MAP2: variants seen among roughly 807,000 people sequenced by gnomAD.
The protein encoded by MAP2 is microtubule associated protein 2.
In MAP2, 14 loss-of-function variants were observed where a neutral mutation model predicts 137.6. The observed-to-expected ratio is 0.10, with a 90% confidence interval of 0.07 to 0.16. The LOEUF (loss-of-function observed/expected upper bound fraction) is 0.16. MAP2 is among the 10% of genes least tolerant of loss of function. The pLI is 1.00. For synonymous variants in MAP2, 786 were observed against 782.3 expected, an observed-to-expected ratio of 1.00 and a Z score of -0.08; for missense variants, 2,088 against 2,191.5, an observed-to-expected ratio of 0.95 and a Z score of 0.94.
chr2:209,532,996 C>G (rs949554548), intron 2 of MAP2, among the ~76,000 whole-genome samples: 1 of 152,164 alleles, frequency 6.6e-6, no homozygotes, highest in South Asian at 2.1e-4. Context: ...TTTCTTTTTT[C>G]TTCAAGTGGT....
intron 3 of MAP2, among the ~76,000 whole-genome samples, chr2:209,612,289 A>G (rs1439291420): frequency 6.6e-6 from 1 of 152,142 alleles, no homozygotes; most frequent in Non-Finnish European, 1.5e-5. Context: ...TTTTCTAGTT[A>G]TTTGTTTATT....
intron 1 of MAP2, among the ~76,000 whole-genome samples, chr2:209,492,267 C>A (rs1395225561): frequency 1.3e-5 from 2 of 152,124 alleles, no homozygotes; most frequent in East Asian, 3.8e-4. Context: ...ACTCAATAAA[C>A]TAGGTATTGA....
intron 12 of MAP2, among the ~76,000 whole-genome samples, chr2:209,706,420 TAA>T (rs1286872676): frequency 3.3e-5 from 5 of 152,192 alleles, no homozygotes; most frequent in Non-Finnish European, 7.4e-5. Flanking sequence ...ACTAAACTCT[TAA>T]GATACATTTT....
chr2:209,641,863 C>T (rs2094055178), intron 4 of MAP2, among the ~76,000 whole-genome samples: 1 of 152,068 alleles, frequency 6.6e-6, no homozygotes, highest in African/African-American at 2.4e-5. Context: ...ATCATGGTCA[C>T]ATAAAGACAA....
chr2:209,516,776 A>C (rs2062574772), intron 2 of MAP2, among the ~76,000 whole-genome samples: 2 of 152,076 alleles, frequency 1.3e-5, no homozygotes, highest in Admixed American at 1.3e-4. Flanking sequence ...TGATTTGTGC[A>C]CTTAGGGTAT....
Position 209,528,245 on chromosome 2 carries a change from G to A in MAP2, c.-172+20604G>A, listed in dbSNP as rs547910680. 2.6e-5 allele frequency among the ~76,000 whole-genome samples: 4 copies of A among 152,208 alleles called. No homozygotes were observed. In the South Asian group the frequency reaches 8.3e-4, roughly 32 times the overall value. ...ATGTATAAATTCAACCCTAGAACCT[G>A]TTGTAGGTGAGCCACAGCTCTTCAG... On this transcript the variant is annotated intron_variant, in intron 2 of 15. Coordinates refer to ENST00000682079, the MANE Select transcript of MAP2 (RefSeq NM_001375505.1).
rs925902820 is a variant in MAP2 at position 209,705,607 on chromosome 2, C to T, written c.4612C>T (p.Arg1538Cys). Reference protein sequence around the residue: ...SDGVTKSPEKRSSLPRPSSIL... With the variant: ...SDGVTKSPEKCSSLPRPSSIL... ...CGGAGTAACCAAGAGCCCAGAAAAG[C>T]GCTCTTCTCTCCCAAGACCTTCCTC... Residue 1538 changes from arginine to cysteine, a missense_variant, in exon 12 of 16, where the codon CGC becomes TGC. Around this residue, in one of 6 missense-constraint regions of MAP2, gnomAD observed 591 missense variants for 642.6 expected, o/e 0.92. Transcript: ENST00000682079. 47 of 1,611,714 alleles carry T rather than the reference C, an allele frequency of 2.9e-5. No individual in the cohort carries two copies. The highest frequency in any genetic ancestry group is 4.4e-5 in the South Asian group (4 of 90,866).
At position 209,733,039 on chromosome 2, in the gene MAP2, G is replaced by A. The variant is rs1429143499; in HGVS notation, c.*2642G>A. 6.6e-6 allele frequency: 1 copy of A among 152,454 alleles called. No homozygotes were observed. The highest frequency in any genetic ancestry group is 1.5e-5 in the Non-Finnish European group (1 of 68,022). The allele number at this position is 152,454 out of a possible 1,614,324, so 9.4% of individuals were successfully genotyped here. A position where few individuals can be genotyped will look rare whatever the true frequency, so the allele number is the denominator to read the frequency against. On this transcript the variant is annotated 3_prime_UTR_variant, in exon 16 of 16. Coordinates refer to ENST00000682079, the MANE Select transcript of MAP2 (RefSeq NM_001375505.1). ...TAAGCTTTTTGAGCACCACTCTTGTGGGGACACACATACGCTGATCTAGGA... is the reference window on the plus strand; with the variant it reads ...TAAGCTTTTTGAGCACCACTCTTGTAGGGACACACATACGCTGATCTAGGA...
intron 2 of MAP2, among the ~76,000 whole-genome samples, chr2:209,512,555 AT>A: frequency 8.9e-6 from 1 of 112,762 alleles, no homozygotes; most frequent in East Asian, 2.6e-4. Context: ...GCCAGAAGTT[AT>A]ACACACACAC....
intron 7 of MAP2, among the ~76,000 whole-genome samples, chr2:209,691,274 TG>T (rs1460177190): frequency 1.3e-5 from 2 of 152,190 alleles, no homozygotes; most frequent in Non-Finnish European, 2.9e-5. Context: ...GAGGCTTAAA[TG>T]GTGGAATCGT....
In MAP2 at chr2:209,523,324, T is replaced by C. The variant is rs372860285; in HGVS notation, c.-172+15683T>C. Among the ~76,000 whole-genome samples, 11 of 152,306 alleles carry C rather than the reference T, an allele frequency of 7.2e-5. No individual in the cohort carries two copies. In the South Asian group the frequency reaches 2.1e-3, roughly 29 times the overall value. ...GAGACCACACATGGCTTGTCATTACTGTCTTTCTGGAACTTAGTGCGTTGC... is the reference window on the plus strand; with the variant it reads ...GAGACCACACATGGCTTGTCATTACCGTCTTTCTGGAACTTAGTGCGTTGC... On this transcript the variant is annotated intron_variant, in intron 2 of 15. Transcript: ENST00000682079.
intron 4 of MAP2, among the ~76,000 whole-genome samples, chr2:209,644,076 A>C (rs2094228070): frequency 6.6e-6 from 1 of 152,170 alleles, no homozygotes; most frequent in African/African-American, 2.4e-5. Flanking sequence ...TTAAAATATC[A>C]ATTTGCAAGT....
At position 209,628,236 on chromosome 2, in the gene MAP2, G is replaced by T. The variant is rs559507238; in HGVS notation, c.-30+3107G>T. The stretch of plus-strand genomic sequence containing the variant: ...AAAAATTAGCCGGGCATGGTGGCAC[G>T]TGCCTGTAATCCCAGCTACTCAGGA... On this transcript the variant is annotated intron_variant, in intron 4 of 15. Coordinates refer to ENST00000682079, the MANE Select transcript of MAP2 (RefSeq NM_001375505.1). Among the ~76,000 whole-genome samples, 5 of 152,184 alleles carry T rather than the reference G, an allele frequency of 3.3e-5. No individual in the cohort carries two copies. The East Asian group carries it at 9.7e-4, about 29-fold the overall frequency.
At chr2:209,635,957 G>A (rs79773150) in intron 4 of MAP2, among the ~76,000 whole-genome samples, 1 of 152,104 alleles carries the variant, frequency 6.6e-6, no homozygotes, top group African/African-American at 2.4e-5. Context: ...ACCCCAATGT[G>A]GCTGAACTCA....
chr2:209,655,849 A>G (rs1351486565), intron 5 of MAP2, among the ~76,000 whole-genome samples: 1 of 152,226 alleles, frequency 6.6e-6, no homozygotes, highest in Non-Finnish European at 1.5e-5. Context: ...GTCCACAGCT[A>G]TATGTTGTAA....
chr2:209,690,937 C>T, intron 7 of MAP2: 2 of 1,147,106 alleles, frequency 1.7e-6, no homozygotes, highest in Non-Finnish European at 2.2e-6. Flanking sequence ...CGCTATTTCG[C>T]TATTTCATCG....
intron 2 of MAP2, among the ~76,000 whole-genome samples, chr2:209,577,574 G>A (rs1223730678): frequency 6.6e-6 from 1 of 152,060 alleles, no homozygotes; most frequent in Non-Finnish European, 1.5e-5. Context: ...GCCCTCCAGT[G>A]GTTGTTTTGG....
intron 1 of MAP2, among the ~76,000 whole-genome samples, chr2:209,505,688 T>G (rs2060951574): frequency 6.7e-6 from 1 of 149,066 alleles, no homozygotes; most frequent in Non-Finnish European, 1.5e-5. Flanking sequence ...TGAAAACATT[T>G]TGGCCAGGCA....
At position 209,725,711 on chromosome 2, in the gene MAP2, A is replaced by T; in HGVS notation, c.5076A>T (p.Val1692=). ...CATGTTTTATGTGGTTCACATAGGT[A>T]CAAATTGTTACCAAGAAAATAGACC... The part of the protein sequence containing the change: ...NIKYQPKGGQ[V]QIVTKKIDLS... Residue 1692 remains valine, a splice_region_variant and synonymous_variant, in exon 14 of 16, where the codon GTA becomes GTT. Coordinates refer to ENST00000682079, the MANE Select transcript of MAP2 (RefSeq NM_001375505.1). 1.9e-6 allele frequency: 3 copies of T among 1,596,956 alleles called. No individual in the cohort carries two copies. The highest frequency in any genetic ancestry group is 1.7e-6 in the Non-Finnish European group (2 of 1,172,354).
Sources: allele counts gnomAD v4.1 joint callset (sites outside exome capture counted in the v4.1 genomes callset), GRCh38; gene constraint gnomAD v4.1.1; regional missense constraint gnomAD v4.1.1; transcripts MANE v1.5; gene names NCBI Gene and HGNC (gene_info 2026-07-23, HGNC 2026-07-21).